Variants in POLA1 observed in about 807,000 individuals in gnomAD.
POLA1 encodes DNA polymerase alpha catalytic subunit.
Under a neutral mutation model 124.0 loss-of-function variants are expected in POLA1, and 15 were observed. The observed-to-expected ratio is 0.12, with a 90% CI of 0.08 to 0.19. POLA1 has a LOEUF of 0.19. POLA1 is among the 10% of genes least tolerant of loss of function. The probability of loss-of-function intolerance (pLI) is 1.00; values close to 1 mark genes in which losing one functional copy is unlikely to be tolerated. For missense variants in POLA1, 886 were observed against 1,103.4 expected (o/e 0.80, Z 2.79); for synonymous variants, 408 against 389.4 (o/e 1.05, Z -0.56).
intron 35 of POLA1, among the ~76,000 whole-genome samples, chrX:24,915,352 C>A: frequency 8.9e-6 from 1 of 112,236 alleles, no homozygotes; most frequent in African/African-American, 3.2e-5. Flanking sequence ...ACAAAATTAA[C>A]TGGCCTGTGT....
intron 35 of POLA1, among the ~76,000 whole-genome samples, chrX:24,900,004 T>C (rs1414477743): frequency 8.9e-6 from 1 of 112,085 alleles, no homozygotes; most frequent in Non-Finnish European, 1.9e-5. Context: ...CACCTGCTGA[T>C]TGGTTTTTGT....
chrX:24,799,201 T>G (rs2045663579), intron 26 of POLA1, among the ~76,000 whole-genome samples: 1 of 112,114 alleles, frequency 8.9e-6, no homozygotes, highest in Non-Finnish European at 1.9e-5. Context: ...CACACACTGA[T>G]CCTAAGAAGG....
At chrX:24,757,629 C>T (rs1204431726) in intron 26 of POLA1, among the ~76,000 whole-genome samples, 9 of 108,542 alleles carry the variant, frequency 8.3e-5, no homozygotes, top group Non-Finnish European at 1.7e-4. Flanking sequence ...TTAGTAGAGA[C>T]GGGGTTTCAC....
intron 19 of POLA1, among the ~76,000 whole-genome samples, chrX:24,738,808 A>G (rs1931459314): frequency 8.9e-6 from 1 of 112,196 alleles, no homozygotes; most frequent in South Asian, 3.7e-4. Flanking sequence ...ATGTTGCCTC[A>G]TCAGATAAGT....
intron 26 of POLA1, among the ~76,000 whole-genome samples, chrX:24,786,967 G>A (rs1185375338): frequency 9.2e-6 from 1 of 109,088 alleles, no homozygotes; most frequent in Non-Finnish European, 1.9e-5. Flanking sequence ...TTAAAAGCAG[G>A]GTCTTGCTGT....
Position 24,732,430 on chromosome X carries a change from C to T in POLA1, c.1747C>T (p.Pro583Ser), listed in dbSNP as rs2148373046. The T allele has an allele frequency of 2.5e-6, 3 of 1,183,867 alleles. No individual in the cohort carries two copies. The highest frequency in any genetic ancestry group is 3.0e-5 in the East Asian group (1 of 33,737). ...TGCATTGGATAAAGCAGCCCCAAAG[C>T]CTCCCTTTCAGTCACACTTCTGTGG... ...SFALDKAAPK[P>S]PFQSHFCVVS... The change falls in exon 16 of 37, where the codon CCT becomes TCT. Residue 583 changes from proline to serine, a missense_variant. By Grantham distance (74) the Pro-to-Ser change is moderately conservative (BLOSUM62 -1). Around this residue, in one of 7 missense-constraint regions of POLA1, gnomAD observed 337 missense variants for 402.8 expected, o/e 0.84. Coordinates refer to ENST00000379068, the MANE Select transcript of POLA1 (RefSeq NM_001330360.2).
At chrX:24,981,388 G>A (rs2048418765) in intron 36 of POLA1, among the ~76,000 whole-genome samples, 1 of 112,089 alleles carries the variant, frequency 8.9e-6, no homozygotes, top group Admixed American at 9.4e-5. Flanking sequence ...ATTTGTAGAA[G>A]TCTCAGTGAG....
At chrX:24,987,942 G>A (rs1015018188) in intron 36 of POLA1, among the ~76,000 whole-genome samples, 28 of 111,332 alleles carry the variant, frequency 2.5e-4, no homozygotes, top group Middle Eastern at 4.6e-3. Context: ...TCCAACTGTG[G>A]CCTCGCTTTA....
At chrX:24,771,351 T>G (rs1258814706) in intron 26 of POLA1, among the ~76,000 whole-genome samples, 1 of 111,424 alleles carries the variant, frequency 9.0e-6, no homozygotes, top group African/African-American at 3.3e-5. Context: ...CACTCTCAAT[T>G]CTCTAATAAA....
intron 4 of POLA1, among the ~76,000 whole-genome samples, chrX:24,708,539 G>A (rs753043828): frequency 4.7e-5 from 3 of 64,073 alleles, no homozygotes; most frequent in East Asian, 4.8e-4. Flanking sequence ...GCGGCCTTCC[G>A]CAGTGTTTGT....
chrX:24,725,924 C>G (rs995220429), intron 12 of POLA1, 57 bp from the exon 13 acceptor site: 1 of 713,163 alleles, frequency 1.4e-6, no homozygotes, highest in African/African-American at 2.2e-5. Context: ...TATTGTAATA[C>G]TGGTTAGTTT....
At chrX:24,854,543 A>G (rs1361348738) in intron 34 of POLA1, among the ~76,000 whole-genome samples, 1 of 109,525 alleles carries the variant, frequency 9.1e-6, no homozygotes, top group Non-Finnish European at 1.9e-5. Context: ...AAAGAAATGT[A>G]CCCCAGGCCG....
At chrX:24,790,957 G>A (rs2045483314) in intron 26 of POLA1, among the ~76,000 whole-genome samples, 1 of 98,740 alleles carries the variant, frequency 1.0e-5, no homozygotes, top group African/African-American at 3.8e-5. Context: ...TTTAACCTAA[G>A]AAGAACTTGC....
intron 31 of POLA1, among the ~76,000 whole-genome samples, chrX:24,824,350 T>G (rs924399105): frequency 4.5e-5 from 5 of 110,121 alleles, no homozygotes; most frequent in Non-Finnish European, 7.6e-5. Flanking sequence ...AAGAGTGCAG[T>G]GGCATGACCA....
At chrX:24,963,486 C>T (rs776325056) in intron 36 of POLA1, among the ~76,000 whole-genome samples, 17 of 111,574 alleles carry the variant, frequency 1.5e-4, no homozygotes, top group Admixed American at 1.2e-3. Flanking sequence ...TATGAAGTCT[C>T]CAGAAGATTA....
chrX:24,752,251 G>A (rs770466473), intron 26 of POLA1, among the ~76,000 whole-genome samples: 8 of 112,348 alleles, frequency 7.1e-5, no homozygotes, highest in Non-Finnish European at 1.1e-4. Context: ...GCTAGTAGTT[G>A]TGTCAAATGG....
chrX:24,925,400 C>G (rs1040498792), intron 35 of POLA1, among the ~76,000 whole-genome samples: 8 of 111,861 alleles, frequency 7.2e-5, no homozygotes, highest in Non-Finnish European at 1.9e-5. Flanking sequence ...GAGCCCAACT[C>G]TTCATACCTC....
At chrX:24,991,149 T>C (rs2048530458) in intron 36 of POLA1, among the ~76,000 whole-genome samples, 1 of 110,907 alleles carries the variant, frequency 9.0e-6, no homozygotes. Flanking sequence ...CAGTGCTTAA[T>C]GATCCTGCAC....
chrX:24,968,632 G>A (rs1296535936), intron 36 of POLA1, among the ~76,000 whole-genome samples: 1 of 107,408 alleles, frequency 9.3e-6, no homozygotes, highest in South Asian at 4.3e-4. Flanking sequence ...GAACCCGGGA[G>A]GCGGAGCTTG....
Sources: allele counts gnomAD v4.1 joint callset (sites outside exome capture counted in the v4.1 genomes callset), GRCh38; gene constraint gnomAD v4.1.1; regional missense constraint gnomAD v4.1.1; transcripts MANE v1.5; gene names NCBI Gene and HGNC (gene_info 2026-07-23, HGNC 2026-07-21).